MKLN1: variants seen among roughly 807,000 people sequenced by gnomAD.
The protein encoded by MKLN1 is muskelin 1.
A neutral mutation model predicts 99.0 loss-of-function variants in MKLN1; 18 were observed. That is an observed-to-expected ratio of 0.18 (90% CI 0.13 to 0.27). The LOEUF is 0.27. MKLN1 is among the 10% of genes least tolerant of loss of function. The pLI is 1.00. For missense variants in MKLN1, 621 were observed against 875.9 expected (o/e 0.71, Z 3.67); for synonymous variants, 288 against 293.2 (o/e 0.98, Z 0.18).
intron 1 of MKLN1, among the ~76,000 whole-genome samples, chr7:131,132,943 A>G (rs201777812): frequency 2.7e-5 from 2 of 72,814 alleles, no homozygotes; most frequent in East Asian, 1.1e-3. Flanking sequence ...AAAAAAAAAA[A>G]AAAAAAAGAA....
In MKLN1 at chr7:131,355,928, C is replaced by G. The variant is rs144704271; in HGVS notation, c.99-19496C>G. ...TATAATTTTTTCATCTACAAACACT[C>G]TAATTTGTATGCTTTGTAATTACTT... On this transcript the variant is annotated intron_variant, in intron 1 of 17. Transcript: ENST00000352689. 2.8e-3 allele frequency among the ~76,000 whole-genome samples: 420 copies of G among 152,048 alleles called. 5 individuals are homozygous for G. Among genetic ancestry groups the G allele is most frequent in the African/African-American group, 9.5e-3 (395 of 41,504 alleles).
Position 131,186,062 on chromosome 7 carries a change from C to G in MKLN1, c.-296-16795C>G, listed in dbSNP as rs533593064. 2.6e-5 allele frequency among the ~76,000 whole-genome samples: 4 copies of G among 152,124 alleles called. No homozygotes were observed. In the South Asian group the frequency reaches 8.3e-4, roughly 32 times the overall value. ...CAAAAATTAGCTGGGCATAGTGGCA[C>G]GCGCCTGTAATCCCAGCTATCAGGA... On this transcript the variant is annotated intron_variant, in intron 2 of 7. Transcript: ENST00000416992.
At chr7:131,164,835 A>G (rs1242858626) in intron 2 of MKLN1, among the ~76,000 whole-genome samples, 3 of 152,224 alleles carry the variant, frequency 2.0e-5, no homozygotes, top group African/African-American at 7.2e-5. Flanking sequence ...TGCAAGAACA[A>G]ATTGGCAACA....
chr7:131,327,817 G>T, upstream of MKLN1: 1 of 1,518,102 alleles, frequency 6.6e-7, no homozygotes. Flanking sequence ...GAGGGCGGCG[G>T]CCCCTTTAAG....
chr7:131,241,153 G>A (rs1007611947), intron 3 of MKLN1, among the ~76,000 whole-genome samples: 4 of 152,286 alleles, frequency 2.6e-5, no homozygotes, highest in South Asian at 2.1e-4. Context: ...AGAGGAGGGT[G>A]GATCACTTGA....
intron 1 of MKLN1, among the ~76,000 whole-genome samples, chr7:131,112,496 C>T (rs1178072942): frequency 2.0e-5 from 3 of 152,146 alleles, no homozygotes; most frequent in Non-Finnish European, 4.4e-5. Flanking sequence ...TCTCTCCCTG[C>T]CTCAGTGGTA....
chr7:131,112,469 G>T (rs1201639063), intron 1 of MKLN1, among the ~76,000 whole-genome samples: 1 of 152,158 alleles, frequency 6.6e-6, no homozygotes, highest in Non-Finnish European at 1.5e-5. Context: ...AATTTACCTT[G>T]CTCCCCATGT....
chr7:131,121,280 T>C (rs957515107), intron 1 of MKLN1, among the ~76,000 whole-genome samples: 10 of 152,140 alleles, frequency 6.6e-5, no homozygotes, highest in African/African-American at 1.2e-4. Context: ...TCCCCCAACA[T>C]TGGGAATTAC....
intron 3 of MKLN1, among the ~76,000 whole-genome samples, chr7:131,261,834 G>A (rs1205548928): frequency 6.6e-6 from 1 of 152,184 alleles, no homozygotes; most frequent in Admixed American, 6.5e-5. Flanking sequence ...AAAAGATCAT[G>A]TCCTTTGCAG....
chr7:131,346,409 C>G (rs538280080), intron 1 of MKLN1, among the ~76,000 whole-genome samples: 33 of 152,010 alleles, frequency 2.2e-4, no homozygotes, highest in African/African-American at 8.0e-4. Flanking sequence ...GTAATCCCAG[C>G]TAGTCGGGAG....
chr7:131,230,166 CT>C (rs1353447840), intron 3 of MKLN1, among the ~76,000 whole-genome samples: 2 of 152,110 alleles, frequency 1.3e-5, no homozygotes, highest in Admixed American at 6.6e-5. Context: ...AATTTGGTAT[CT>C]TACTGCCATA....
At chr7:131,217,849 A>G (rs1481550679) in intron 3 of MKLN1, among the ~76,000 whole-genome samples, 1 of 152,256 alleles carries the variant, frequency 6.6e-6, no homozygotes, top group South Asian at 2.1e-4. Flanking sequence ...ATTAATGTGT[A>G]ATCGCCCAAC....
chr7:131,313,439 T>C (rs1053392497), intron 3 of MKLN1, among the ~76,000 whole-genome samples: 1 of 152,224 alleles, frequency 6.6e-6, no homozygotes, highest in Non-Finnish European at 1.5e-5. Flanking sequence ...AAAAAAATTT[T>C]AGTCATGAGA....
At chr7:131,235,373 T>A (rs1201799890) in intron 3 of MKLN1, among the ~76,000 whole-genome samples, 1 of 151,846 alleles carries the variant, frequency 6.6e-6, no homozygotes, top group African/African-American at 2.4e-5. Flanking sequence ...AAATTCAACT[T>A]TTCTGAAGAT....
chr7:131,336,897 T>C (rs996474410), intron 1 of MKLN1, among the ~76,000 whole-genome samples: 7 of 152,160 alleles, frequency 4.6e-5, no homozygotes, highest in Non-Finnish European at 1.0e-4. Flanking sequence ...GAAGAACTCC[T>C]TTTAGGGAGT....
intron 3 of MKLN1, among the ~76,000 whole-genome samples, chr7:131,269,368 G>A (rs182978678): frequency 6.8e-4 from 104 of 152,224 alleles, no homozygotes; most frequent in Middle Eastern, 3.4e-3. Context: ...CATAGAGGGC[G>A]TCTTCTTGTT....
At chr7:131,322,558 T>C (rs905327032) in intron 3 of MKLN1, among the ~76,000 whole-genome samples, 2 of 25,210 alleles carry the variant, frequency 7.9e-5, no homozygotes, top group Admixed American at 5.9e-4. Flanking sequence ...TGCCAAACAC[T>C]TTTTTTTTTT....
intron 3 of MKLN1, among the ~76,000 whole-genome samples, chr7:131,287,352 G>T (rs979389991): frequency 1.3e-5 from 2 of 152,204 alleles, no homozygotes; most frequent in East Asian, 3.9e-4. Context: ...TCAAGTGTTG[G>T]CAAGGCCACA....
intron 3 of MKLN1, among the ~76,000 whole-genome samples, chr7:131,290,186 T>C (rs957623118): frequency 3.9e-5 from 6 of 152,098 alleles, no homozygotes; most frequent in Non-Finnish European, 8.8e-5. Flanking sequence ...GTGCCTGTAA[T>C]CCCAGCTACT....
Sources: allele counts gnomAD v4.1 joint callset (sites outside exome capture counted in the v4.1 genomes callset), GRCh38; gene constraint gnomAD v4.1.1; transcripts MANE v1.5; gene names NCBI Gene and HGNC (gene_info 2026-07-23, HGNC 2026-07-21).